GPC3: variants seen among roughly 807,000 people sequenced by gnomAD.
The protein encoded by GPC3 is glypican 3, also known as glypican-3.
Under a neutral mutation model 34.4 loss-of-function variants are expected in GPC3, and 3 were observed. That is an observed-to-expected ratio of 0.09 (90% CI 0.04 to 0.23). The LOEUF (loss-of-function observed/expected upper bound fraction) is 0.23. Ranked by LOEUF, GPC3 falls within the 10% of genes least tolerant of loss-of-function variation. The probability of loss-of-function intolerance (pLI) is 1.00; values close to 1 mark genes in which losing one functional copy is unlikely to be tolerated. For synonymous variants in GPC3, 177 were observed against 174.0 expected, an observed-to-expected ratio of 1.02 and a Z score of -0.13; for missense variants, 351 against 445.6, an observed-to-expected ratio of 0.79 and a Z score of 1.91.
chrX:133,805,284 T>C (rs756774668), intron 2 of GPC3, among the ~76,000 whole-genome samples: 2 of 112,074 alleles, frequency 1.8e-5, no homozygotes, highest in South Asian at 7.5e-4. Context: ...CCCACCCCTC[T>C]AATTATCCTC....
intron 6 of GPC3, among the ~76,000 whole-genome samples, chrX:133,627,968 ATTG>A (rs1414355361): frequency 8.9e-6 from 1 of 112,392 alleles, no homozygotes; most frequent in East Asian, 2.8e-4. Context: ...TGTTTGCACT[ATTG>A]TTTGACATCA....
chrX:133,867,439 A>T (rs1290046299), intron 2 of GPC3, among the ~76,000 whole-genome samples: 1 of 110,640 alleles, frequency 9.0e-6, no homozygotes, highest in East Asian at 2.9e-4. Context: ...AGACACATGA[A>T]CAAGTCATCC....
chrX:133,878,311 C>G (rs1276749632), intron 2 of GPC3, among the ~76,000 whole-genome samples: 2 of 110,588 alleles, frequency 1.8e-5, no homozygotes, highest in African/African-American at 3.3e-5. Flanking sequence ...CCTGTAATCC[C>G]AACTACTTGG....
intron 6 of GPC3, among the ~76,000 whole-genome samples, chrX:133,641,825 A>G (rs1390579294): frequency 8.9e-6 from 1 of 112,355 alleles, no homozygotes. Context: ...CTTCAAAGCT[A>G]TTTTTTGAAA....
At chrX:133,919,912 C>T (rs2076240734) in intron 2 of GPC3, among the ~76,000 whole-genome samples, 1 of 109,127 alleles carries the variant, frequency 9.2e-6, no homozygotes, top group Non-Finnish European at 1.9e-5. Context: ...GTAATCTCAG[C>T]ACTTTTGGAA....
chrX:133,577,319 C>T (rs759734947), intron 7 of GPC3, among the ~76,000 whole-genome samples: 18 of 112,244 alleles, frequency 1.6e-4, no homozygotes, highest in Non-Finnish European at 2.8e-4. Context: ...CATGAGAAAG[C>T]GCTTTGCAAA....
At chrX:133,583,079 A>G (rs964181761) in intron 7 of GPC3, among the ~76,000 whole-genome samples, 2 of 111,688 alleles carry the variant, frequency 1.8e-5, no homozygotes, top group African/African-American at 6.5e-5. Context: ...TTTTCTTAGG[A>G]AAATAGTTGC....
intron 6 of GPC3, among the ~76,000 whole-genome samples, chrX:133,653,722 G>A (rs1488140582): frequency 8.9e-6 from 1 of 112,220 alleles, no homozygotes; most frequent in Non-Finnish European, 1.9e-5. Flanking sequence ...CAAAATAAGT[G>A]ATAAATAATT....
chrX:133,614,042 C>T (rs199739347), intron 6 of GPC3, among the ~76,000 whole-genome samples: 1 of 110,731 alleles, frequency 9.0e-6, no homozygotes, highest in African/African-American at 3.3e-5. Flanking sequence ...TATGAAGCTT[C>T]ATCAATTGAG....
chrX:133,582,930 G>A (rs895502851), intron 7 of GPC3, among the ~76,000 whole-genome samples: 2 of 111,210 alleles, frequency 1.8e-5, no homozygotes, highest in African/African-American at 3.3e-5. Flanking sequence ...GGGGCAGGAC[G>A]GCCACAAGCC....
At chrX:133,591,182 G>A (rs1355654114) in intron 7 of GPC3, among the ~76,000 whole-genome samples, 3 of 111,825 alleles carry the variant, frequency 2.7e-5, no homozygotes, top group Non-Finnish European at 3.8e-5. Context: ...CATATTCCGA[G>A]CCATGCTCTT....
At chrX:133,679,608 G>A (rs1387563563) in intron 5 of GPC3, among the ~76,000 whole-genome samples, 2 of 110,958 alleles carry the variant, frequency 1.8e-5, no homozygotes, top group African/African-American at 6.6e-5. Flanking sequence ...GCTAAGCAAT[G>A]AGGTTCTATA....
chrX:133,601,963 C>A (rs1021628842), intron 6 of GPC3, among the ~76,000 whole-genome samples: 3 of 111,795 alleles, frequency 2.7e-5, no homozygotes, highest in Admixed American at 1.9e-4. Flanking sequence ...GATATCAGCA[C>A]CCCCATGTTT....
At chrX:133,911,270 T>A (rs2076198225) in intron 2 of GPC3, among the ~76,000 whole-genome samples, 1 of 112,067 alleles carries the variant, frequency 8.9e-6, no homozygotes, top group East Asian at 2.8e-4. Flanking sequence ...CAAATTTTCA[T>A]TGAGCCTCAA....
At chrX:133,912,318 G>A (rs187329844) in intron 2 of GPC3, among the ~76,000 whole-genome samples, 62 of 112,230 alleles carry the variant, frequency 5.5e-4, no homozygotes, top group African/African-American at 1.9e-3. Context: ...CAAGTCCTAA[G>A]GATTGAAGAA....
At chrX:133,831,364 T>A (rs951776433) in intron 2 of GPC3, among the ~76,000 whole-genome samples, 1 of 112,283 alleles carries the variant, frequency 8.9e-6, no homozygotes, top group African/African-American at 3.2e-5. Context: ...AAAGGACACT[T>A]GAGAATTCTC....
chrX:133,800,349 T>G (rs1366749528), intron 2 of GPC3, among the ~76,000 whole-genome samples: 1 of 112,365 alleles, frequency 8.9e-6, no homozygotes, highest in East Asian at 2.8e-4. Context: ...CAAGCAATAT[T>G]TTGTGAATTC....
At chrX:133,727,365 G>A (rs2071419213) in intron 3 of GPC3, among the ~76,000 whole-genome samples, 1 of 110,584 alleles carries the variant, frequency 9.0e-6, no homozygotes, top group Admixed American at 9.7e-5. Flanking sequence ...GGCAAACATG[G>A]TGAAACCCCG....
intron 2 of GPC3, among the ~76,000 whole-genome samples, chrX:133,869,090 T>C (rs980782002): frequency 1.7e-4 from 19 of 112,009 alleles, no homozygotes; most frequent in African/African-American, 6.2e-4. Flanking sequence ...AGCTCAAGTC[T>C]TCCTCCAGTA....
Sources: allele counts gnomAD v4.1 joint callset (sites outside exome capture counted in the v4.1 genomes callset), GRCh38; gene constraint gnomAD v4.1.1; transcripts MANE v1.5; gene names NCBI Gene and HGNC (gene_info 2026-07-23, HGNC 2026-07-21).